Variants in RGS6 observed in about 807,000 individuals in gnomAD.
RGS6 encodes regulator of G-protein signaling 6.
In RGS6, 30 loss-of-function variants were observed where a neutral mutation model predicts 78.5. The ratio of observed to expected loss-of-function variants is 0.38; its 90% CI spans 0.29 to 0.52. RGS6 has a LOEUF of 0.52. Ranked by LOEUF, RGS6 falls within the 20% of genes least tolerant of loss-of-function variation. The pLI, the probability that RGS6 is intolerant of heterozygous loss-of-function variation, is 0.85. For missense variants in RGS6, 495 were observed against 609.7 expected (o/e 0.81, Z 1.98); for synonymous variants, 206 against 206.0 (o/e 1.00, Z 0.00).
intron 2 of RGS6, among the ~76,000 whole-genome samples, chr14:72,070,146 CTCTG>C (rs1356083689): frequency 2.0e-5 from 3 of 152,066 alleles, no homozygotes; most frequent in African/African-American, 7.2e-5. Context: ...CTCTCTCTCT[CTCTG>C]TCTCTCTCTG....
chr14:71,925,718 A>ATATTTATATTATATTATAT, the RGS6 span, among the ~76,000 whole-genome samples: 10 of 147,854 alleles, frequency 6.8e-5, no homozygotes, highest in South Asian at 2.1e-4. Flanking sequence ...ACTTCATATT[A>ATATTTATATTATATTATAT]TATTATATTA....
chr14:72,282,742 T>C (rs2061791765), intron 2 of RGS6, among the ~76,000 whole-genome samples: 1 of 152,220 alleles, frequency 6.6e-6, no homozygotes, highest in Non-Finnish European at 1.5e-5. Flanking sequence ...GAAGTTTCCT[T>C]GTGCCCCCTT....
At chr14:72,231,934 G>A (rs554530253) in intron 2 of RGS6, among the ~76,000 whole-genome samples, 2 of 152,226 alleles carry the variant, frequency 1.3e-5, no homozygotes, top group Admixed American at 6.5e-5. Context: ...TGCTGAGTGA[G>A]GTGGCAAGAC....
intron 2 of RGS6, among the ~76,000 whole-genome samples, chr14:72,069,595 A>C (rs1351957689): frequency 6.6e-6 from 1 of 152,110 alleles, no homozygotes; most frequent in Non-Finnish European, 1.5e-5. Context: ...GCTGGAGTGC[A>C]GTGGTGCAGT....
chr14:72,112,127 G>C lies in RGS6; in HGVS notation c.84+147252G>C, dbSNP rs189652037. 1.2e-4 allele frequency among the ~76,000 whole-genome samples: 19 copies of C among 152,286 alleles called. 1 individual carries two copies. In the East Asian group the frequency reaches 3.7e-3, roughly 29 times the overall value. On this transcript the variant is annotated intron_variant, in intron 2 of 17. Transcript: ENST00000553525. ...GTCCCTGTCACATTAGCAGATGGTG[G>C]CATTTACCATGTTGATGGGAGAGGA... is the stretch of plus-strand genomic sequence containing the variant.
chr14:72,004,521 A>G (rs1371394515), intron 2 of RGS6, among the ~76,000 whole-genome samples: 1 of 152,208 alleles, frequency 6.6e-6, no homozygotes, highest in Non-Finnish European at 1.5e-5. Context: ...TTGCTCAGTA[A>G]TGGTGAAGGT....
In RGS6 at chr14:72,254,303, C is replaced by T. The variant is rs114447391; in HGVS notation, c.85-97792C>T. ...TGGTGTGTAAGGGTTAATTATTGGA[C>T]TCTTGCTTGATGATGACAGTGCAGG... On this transcript the variant is annotated intron_variant, in intron 2 of 17. Coordinates refer to ENST00000553525, the MANE Select transcript of RGS6 (RefSeq NM_001204424.2). Among the ~76,000 whole-genome samples, 337 of 152,276 alleles carry T rather than the reference C, an allele frequency of 2.2e-3. 2 individuals are homozygous for T. The highest frequency in any genetic ancestry group is 7.7e-3 in the African/African-American group (318 of 41,544).
At chr14:72,285,463 A>G (rs1224609966) in intron 2 of RGS6, among the ~76,000 whole-genome samples, 1 of 151,988 alleles carries the variant, frequency 6.6e-6, no homozygotes, top group Non-Finnish European at 1.5e-5. Flanking sequence ...ACCATGTAAG[A>G]TGTCCTTTTT....
At chr14:72,384,167 G>A (rs559324891) in intron 3 of RGS6, among the ~76,000 whole-genome samples, 2 of 152,094 alleles carry the variant, frequency 1.3e-5, no homozygotes, top group Non-Finnish European at 2.9e-5. Flanking sequence ...AAAAAAATAA[G>A]TTAAAATAAA....
intron 2 of RGS6, among the ~76,000 whole-genome samples, chr14:72,232,399 C>T (rs1427325550): frequency 3.3e-5 from 5 of 152,218 alleles, no homozygotes; most frequent in Non-Finnish European, 1.5e-5. Context: ...GCTCCTGCCT[C>T]TGGGTCTTTG....
At chr14:72,215,336 G>A (rs571303659) in intron 2 of RGS6, among the ~76,000 whole-genome samples, 1 of 152,272 alleles carries the variant, frequency 6.6e-6, no homozygotes, top group South Asian at 2.1e-4. Context: ...TTGCTGACGG[G>A]GTAGAGATAG....
intron 2 of RGS6, among the ~76,000 whole-genome samples, chr14:72,078,736 G>A (rs887679871): frequency 6.6e-6 from 1 of 152,110 alleles, no homozygotes; most frequent in Admixed American, 6.6e-5. Context: ...CTTTATAGCA[G>A]TGTGAGAATA....
chr14:71,898,930 T>G, the RGS6 span, among the ~76,000 whole-genome samples: 1 of 152,206 alleles, frequency 6.6e-6, no homozygotes, highest in South Asian at 2.1e-4. Context: ...TAAGTTAGAA[T>G]ATATTTAAAA....
intron 2 of RGS6, among the ~76,000 whole-genome samples, chr14:72,013,551 G>A (rs895739296): frequency 1.3e-5 from 2 of 152,332 alleles, no homozygotes; most frequent in East Asian, 3.9e-4. Flanking sequence ...CATTTCGTTT[G>A]TGAACAATGT....
At chr14:72,354,492 T>G (rs1209205611) in intron 3 of RGS6, among the ~76,000 whole-genome samples, 2 of 141,022 alleles carry the variant, frequency 1.4e-5, no homozygotes, top group Non-Finnish European at 3.0e-5. Flanking sequence ...AAAAAATAGC[T>G]GGGTGTGGTG....
chr14:72,305,272 C>T (rs2066978039), intron 2 of RGS6, among the ~76,000 whole-genome samples: 1 of 152,170 alleles, frequency 6.6e-6, no homozygotes, highest in Non-Finnish European at 1.5e-5. Flanking sequence ...TTTATGTTAT[C>T]ACATTTACCT....
At chr14:72,289,782 TTAAA>T (rs966260415) in intron 2 of RGS6, among the ~76,000 whole-genome samples, 7 of 152,308 alleles carry the variant, frequency 4.6e-5, no homozygotes, top group South Asian at 4.1e-4. Context: ...CTTACAAAAC[TTAAA>T]TAGAGTACAT....
At position 72,562,547 on chromosome 14, in the gene RGS6, T is replaced by G; in HGVS notation, c.*80T>G. 1 of 1,590,514 alleles carries G rather than the reference T, an allele frequency of 6.3e-7. No individual in the cohort carries two copies. On this transcript the variant is annotated 3_prime_UTR_variant, in exon 18 of 18. Coordinates refer to ENST00000553525, the MANE Select transcript of RGS6 (RefSeq NM_001204424.2). ...GGCGCTCCACATCTGCGGACAGAGTTTCCTTACGAGGAGACTTGGTCACTG... is the reference window on the plus strand; with the variant it reads ...GGCGCTCCACATCTGCGGACAGAGTGTCCTTACGAGGAGACTTGGTCACTG...
intron 15 of RGS6, among the ~76,000 whole-genome samples, chr14:72,521,330 G>T (rs1293280146): frequency 2.0e-5 from 3 of 152,164 alleles, no homozygotes; most frequent in Non-Finnish European, 4.4e-5. Flanking sequence ...TTCTTTAATT[G>T]TTGCATAGTA....
Sources: gnomAD v4.1 joint callset for allele counts (sites outside exome capture counted in the v4.1 genomes callset) on GRCh38, gnomAD v4.1.1 for gene constraint, MANE v1.5 for transcripts, NCBI Gene and HGNC (gene_info 2026-07-23, HGNC 2026-07-21) for gene names.